USP9X: variants seen among roughly 807,000 people sequenced by gnomAD.
USP9X encodes the protein ubiquitin carboxyl-terminal hydrolase 9X.
USP9X carries 7 observed loss-of-function variants against 190.3 expected under a neutral mutation model. That is an observed-to-expected ratio of 0.04 (90% CI 0.02 to 0.07). USP9X has a LOEUF of 0.07. Among genes scored for constraint, USP9X ranks in the 10% least tolerant of loss-of-function variants. The pLI is 1.00. For missense variants in USP9X, 1,010 were observed against 1,916.9 expected, an observed-to-expected ratio of 0.53 and a Z score of 8.83; for synonymous variants, 645 against 659.5, an observed-to-expected ratio of 0.98 and a Z score of 0.34.
At chrX:41,214,073 G>T in intron 33 of USP9X, among the ~76,000 whole-genome samples, 1 of 112,264 alleles carries the variant, frequency 8.9e-6, no homozygotes, top group Non-Finnish European at 1.9e-5. Context: ...TGCTAATCCT[G>T]TACTCATTTG....
intron 14 of USP9X, among the ~76,000 whole-genome samples, chrX:41,162,247 GTAAT>G (rs1431951516): frequency 8.9e-6 from 1 of 112,024 alleles, no homozygotes; most frequent in African/African-American, 3.2e-5. Context: ...TGGAAATATA[GTAAT>G]TAATGCTGAA....
intron 1 of USP9X, among the ~76,000 whole-genome samples, chrX:41,090,495 T>TTC (rs2146907380): frequency 8.9e-6 from 1 of 112,682 alleles, no homozygotes; most frequent in East Asian, 2.8e-4. Context: ...TCTTGGTGTC[T>TTC]TCAACGTGTG....
chrX:41,205,212 A>T, intron 31 of USP9X, 91 bp from the exon 32 acceptor site: 1 of 686,912 alleles, frequency 1.5e-6, no homozygotes, highest in Non-Finnish European at 2.1e-6. Context: ...GCATAATAGG[A>T]ATACAAATCA....
At chrX:41,191,442 T>C (rs1187771595) in intron 26 of USP9X, among the ~76,000 whole-genome samples, 1 of 111,460 alleles carries the variant, frequency 9.0e-6, no homozygotes, top group Non-Finnish European at 1.9e-5. Context: ...TTTATAATCC[T>C]ATAGTAACGT....
At chrX:41,103,479 G>A (rs1272087311) in intron 1 of USP9X, among the ~76,000 whole-genome samples, 3 of 111,774 alleles carry the variant, frequency 2.7e-5, no homozygotes, top group Non-Finnish European at 3.8e-5. Context: ...ATAGAGTAGT[G>A]TAATCATTCA....
At chrX:41,170,716 CT>C in intron 20 of USP9X, 97 bp downstream of exon 20, 1 of 898,540 alleles carries the variant, frequency 1.1e-6, no homozygotes, top group Non-Finnish European at 1.5e-6. Context: ...TCTTGAGGAG[CT>C]TACAGTTTAA....
chrX:41,122,624 T>C (rs1451277488), intron 1 of USP9X, among the ~76,000 whole-genome samples: 2 of 112,108 alleles, frequency 1.8e-5, no homozygotes, highest in African/African-American at 6.5e-5. Context: ...CCTTTAGCCC[T>C]GCTGTCCCAG....
intron 16 of USP9X, 25 bp from the exon 17 acceptor site, chrX:41,167,457 A>C (rs1204571288): frequency 9.6e-6 from 11 of 1,150,473 alleles, no homozygotes; most frequent in African/African-American, 1.8e-5. Flanking sequence ...GAAAGGGATG[A>C]ATACTTTTAT....
intron 1 of USP9X, among the ~76,000 whole-genome samples, chrX:41,095,334 C>T (rs1035663920): frequency 1.8e-5 from 2 of 111,651 alleles, no homozygotes; most frequent in Admixed American, 9.5e-5. Context: ...CAGGGACTTC[C>T]GGTCAGAGGG....
intron 29 of USP9X, 120 bp downstream of exon 29, chrX:41,197,630 T>A (rs1463294833): frequency 1.2e-5 from 7 of 596,097 alleles, no homozygotes; most frequent in Non-Finnish European, 1.6e-5. Context: ...TTCTCTTTTT[T>A]AAGAATCTTT....
At chrX:41,165,579 G>T (rs2062672439) in intron 15 of USP9X, among the ~76,000 whole-genome samples, 1 of 111,374 alleles carries the variant, frequency 9.0e-6, no homozygotes. Context: ...CCAAAAGTCT[G>T]GTTTCAAAAA....
chrX:41,201,895 C>T lies in USP9X; in HGVS notation c.4824+615C>T, dbSNP rs371166591. 3.9e-4 allele frequency among the ~76,000 whole-genome samples: 43 copies of T among 110,830 alleles called. No individual in the cohort carries two copies. The South Asian group carries it at 9.2e-3, about 24-fold the overall frequency. On this transcript the variant is annotated intron_variant, in intron 31 of 44. Transcript: ENST00000378308. ...CTGAGGCAGGAGAATCACTTGAACCCGGAAGGTGGAGGTTGCGATGAGCTG... is the reference window on the plus strand; with the variant it reads ...CTGAGGCAGGAGAATCACTTGAACCTGGAAGGTGGAGGTTGCGATGAGCTG...
chrX:41,224,257 G>GT (rs1266206404), intron 39 of USP9X, among the ~76,000 whole-genome samples: 1 of 110,962 alleles, frequency 9.0e-6, no homozygotes, highest in African/African-American at 3.3e-5. Flanking sequence ...TTATATCTTG[G>GT]TATATCTATC....
intron 23 of USP9X, 167 bp downstream of exon 23, chrX:41,184,842 C>T: frequency 2.4e-6 from 1 of 420,455 alleles, no homozygotes; most frequent in Non-Finnish European, 3.9e-6. Flanking sequence ...ATACTTTTCG[C>T]TGACAGCTGA....
chrX:41,218,614 C>T lies in USP9X; in HGVS notation c.6435+17C>T. ...TCTAGTCAGGTAATTGCACAGCTTT[C>T]TTTCTAAATGATGAGATGTTTACAA... On this transcript the variant is annotated intron_variant, in intron 37 of 44. Transcript: ENST00000378308. The T allele has an allele frequency of 8.5e-7, 1 of 1,180,278 alleles. No homozygotes were observed. The highest frequency in any genetic ancestry group is 1.2e-6 in the Non-Finnish European group (1 of 868,302).
At chrX:41,195,389 A>G (rs1251066354) in intron 26 of USP9X, among the ~76,000 whole-genome samples, 1 of 111,059 alleles carries the variant, frequency 9.0e-6, no homozygotes, top group African/African-American at 3.3e-5. Flanking sequence ...TTATTAACAC[A>G]TTGCTGGGCC....
chrX:41,101,469 C>G (rs1450669585), intron 1 of USP9X, among the ~76,000 whole-genome samples: 2 of 110,098 alleles, frequency 1.8e-5, no homozygotes, highest in African/African-American at 6.6e-5. Flanking sequence ...TGCCCGTAGT[C>G]CCAGGTACTT....
intron 1 of USP9X, among the ~76,000 whole-genome samples, chrX:41,099,295 A>T (rs780307736): frequency 1.1e-4 from 12 of 108,772 alleles, no homozygotes; most frequent in South Asian, 4.0e-4. Flanking sequence ...GTTGCCATGA[A>T]CACTTTTGTA....
intron 26 of USP9X, among the ~76,000 whole-genome samples, chrX:41,190,771 A>C (rs187933179): frequency 2.1e-3 from 230 of 111,730 alleles, no homozygotes; most frequent in African/African-American, 7.0e-3. Context: ...TATATAAGTC[A>C]GAACCATTTT....
Sources: gnomAD v4.1 joint callset for allele counts (sites outside exome capture counted in the v4.1 genomes callset) on GRCh38, gnomAD v4.1.1 for gene constraint, MANE v1.5 for transcripts, NCBI Gene and HGNC (gene_info 2026-07-23, HGNC 2026-07-21) for gene names.